REV3L: variants seen among roughly 807,000 people sequenced by gnomAD.
The protein encoded by REV3L is REV3 like, DNA directed polymerase zeta catalytic subunit.
A neutral mutation model predicts 299.4 loss-of-function variants in REV3L; 69 were observed. That is an observed-to-expected ratio of 0.23 (90% CI 0.19 to 0.28). The LOEUF (loss-of-function observed/expected upper bound fraction) is 0.28, where lower values mean the gene tolerates loss of function less well. Among genes scored for constraint, REV3L ranks in the 10% least tolerant of loss-of-function variants. The pLI, the probability that REV3L is intolerant of heterozygous loss-of-function variation, is 1.00. For synonymous variants in REV3L, 1,238 were observed against 1,271.4 expected (o/e 0.97, Z 0.56); for missense variants, 3,128 against 3,693.8 (o/e 0.85, Z 3.97).
At chr6:111,387,685 G>C in intron 9 of REV3L, 80 bp downstream of exon 9, 1 of 1,377,648 alleles carries the variant, frequency 7.3e-7, no homozygotes, top group Middle Eastern at 1.9e-4. Flanking sequence ...AAAATCCCTA[G>C]CAAACTCAAT....
At position 111,482,903 on chromosome 6, in the gene REV3L, C is replaced by T. The variant is rs1793937634; in HGVS notation, c.-15G>A. On this transcript the variant is annotated 5_prime_UTR_variant, in exon 1 of 32. Transcript: ENST00000368802. ...ACTGAAAACATGTTCGCCGCCGCCG[C>T]CACTGCCTCCCTTCACTGGCGACCC... The T allele has an allele frequency of 4.0e-6, 6 of 1,510,708 alleles. No homozygotes were observed. The highest frequency in any genetic ancestry group is 2.9e-5 in the African/African-American group (2 of 68,196). 93.6% of individuals were successfully genotyped at this position (1,510,708 alleles called of 1,614,324 possible). A position where few individuals can be genotyped will look rare whatever the true frequency, so the allele number is the denominator to read the frequency against.
chr6:111,392,585 T>C lies in REV3L; in HGVS notation c.662+291A>G, dbSNP rs544536862. On this transcript the variant is annotated intron_variant, in intron 5 of 31. Coordinates refer to ENST00000368802, the MANE Select transcript of REV3L (RefSeq NM_001372078.1). ...TGTAATTGTTTTACTTGACAAGTTA[T>C]AGGATATCAAATTAGAATAGATGAT... 156 of 197,764 alleles carry C rather than the reference T, an allele frequency of 7.9e-4. 3 individuals are homozygous for C. The South Asian group carries it at 0.021, about 27-fold the overall frequency. 12.3% of individuals were successfully genotyped at this position (197,764 alleles called of 1,614,324 possible). A position where few individuals can be genotyped will look rare whatever the true frequency, so the allele number is the denominator to read the frequency against.
chr6:111,404,320 G>GA (rs780073209), intron 4 of REV3L, among the ~76,000 whole-genome samples: 8 of 152,132 alleles, frequency 5.3e-5, no homozygotes, highest in East Asian at 3.9e-4. Flanking sequence ...CTACTGCTCA[G>GA]AAAAAAGATT....
chr6:111,371,522 C>G (rs1457377175), intron 13 of REV3L, among the ~76,000 whole-genome samples: 1 of 151,496 alleles, frequency 6.6e-6, no homozygotes, highest in Non-Finnish European at 1.5e-5. Context: ...TCCTGAGTAG[C>G]TGGGACCACA....
chr6:111,461,147 T>C (rs974161186), intron 1 of REV3L, among the ~76,000 whole-genome samples: 2 of 152,074 alleles, frequency 1.3e-5, no homozygotes, highest in South Asian at 2.1e-4. Context: ...TCAGGAGATA[T>C]TACAGAAGAA....
chr6:111,423,634 G>A (rs544595142), intron 1 of REV3L, among the ~76,000 whole-genome samples: 2 of 152,282 alleles, frequency 1.3e-5, no homozygotes, highest in South Asian at 4.1e-4. Flanking sequence ...AAAGTTCCCT[G>A]TGGACACATT....
intron 1 of REV3L, among the ~76,000 whole-genome samples, chr6:111,438,021 T>TA (rs386408254): frequency 5.3e-5 from 8 of 151,342 alleles, no homozygotes; most frequent in East Asian, 3.9e-4. Context: ...CTAATTTTTT[T>TA]TTTTTTATTT....
rs1780679366 is a variant in REV3L, at chr6:111,380,143, A to G, written c.1293T>C (p.Asn431=). 6.2e-7 allele frequency: 1 copy of G among 1,613,892 alleles called. No individual in the cohort carries two copies. The highest frequency in any genetic ancestry group is 1.7e-5 in the Admixed American group (1 of 59,982). Reference sequence around the variant, plus strand: ...AGGAGCGACATGGTGATGGCATCCTATTTCTTTCCCCCCGATATCCATCAC... The same window carrying G: ...AGGAGCGACATGGTGATGGCATCCTGTTTCTTTCCCCCCGATATCCATCAC... ...LESDGYRGER[N]RMPSPCRSFG... is the part of the protein sequence containing the mutation. Residue 431 remains asparagine (N), a synonymous_variant, in exon 11 of 32, where the codon AAT becomes AAC. Transcript: ENST00000368802.
intron 1 of REV3L, chr6:111,460,383 A>C (rs1170341906): frequency 6.6e-6 from 1 of 151,642 alleles, no homozygotes; most frequent in Non-Finnish European, 1.5e-5. Flanking sequence ...CTTTGTAATA[A>C]ACCTGCACAG....
intron 5 of REV3L, 143 bp from the exon 6 acceptor site, chr6:111,390,323 T>C (rs899758701): frequency 3.0e-5 from 18 of 601,368 alleles, no homozygotes; most frequent in Non-Finnish European, 5.1e-5. Context: ...ACAAAATTGA[T>C]ACTTTATATG....
chr6:111,311,390 G>T, intron 28 of REV3L, 131 bp from the exon 29 acceptor site: 1 of 531,192 alleles, frequency 1.9e-6, no homozygotes, highest in Non-Finnish European at 3.1e-6. Context: ...TACTTACAAT[G>T]ATGGGATAAT....
chr6:111,482,529 C>T (rs1392928860), intron 1 of REV3L, among the ~76,000 whole-genome samples: 1 of 151,818 alleles, frequency 6.6e-6, no homozygotes, highest in Admixed American at 6.6e-5. Flanking sequence ...CACCTCCCTG[C>T]CCGGGGGTGG....
At chr6:111,391,457 CAT>C (rs1418809938) in intron 5 of REV3L, among the ~76,000 whole-genome samples, 2 of 152,110 alleles carry the variant, frequency 1.3e-5, no homozygotes, top group Non-Finnish European at 2.9e-5. Context: ...TGGAATATTA[CAT>C]GTTAGTTGTT....
rs973668002 is a variant in REV3L, at chr6:111,301,639, G to A, written c.9253-1483C>T. Among the ~76,000 whole-genome samples, 5 of 152,212 alleles carry A rather than the reference G, an allele frequency of 3.3e-5. No individual in the cohort carries two copies. The South Asian group carries it at 1.0e-3, about 32-fold the overall frequency. On this transcript the variant is annotated intron_variant, in intron 31 of 31. Transcript: ENST00000368802. ...ACCCATAATGAGTCAGAATCTCCAG[G>A]CATGAAAGCCTAAGAATCTGTACTT...
At chr6:111,478,629 CAAA>C (rs35796020) in intron 1 of REV3L, among the ~76,000 whole-genome samples, 11 of 128,464 alleles carry the variant, frequency 8.6e-5, no homozygotes, top group African/African-American at 8.0e-5. Context: ...TCCAATTTAC[CAAA>C]AAAAAAAAAA....
intron 1 of REV3L, among the ~76,000 whole-genome samples, chr6:111,442,775 T>C (rs1039664369): frequency 5.3e-5 from 8 of 152,208 alleles, no homozygotes; most frequent in African/African-American, 1.9e-4. Flanking sequence ...TCTCTTTAAG[T>C]AGTTGTTCTT....
chr6:111,459,134 C>T (rs897735187), intron 1 of REV3L, among the ~76,000 whole-genome samples: 9 of 151,996 alleles, frequency 5.9e-5, no homozygotes, highest in African/African-American at 2.2e-4. Context: ...AGCCACACAC[C>T]TACAACCATC....
intron 1 of REV3L, among the ~76,000 whole-genome samples, chr6:111,479,738 T>G (rs1489170376): frequency 6.6e-6 from 1 of 152,152 alleles, no homozygotes; most frequent in Non-Finnish European, 1.5e-5. Context: ...CTCCAACTCC[T>G]GGGTTCAAGC....
intron 1 of REV3L, among the ~76,000 whole-genome samples, chr6:111,440,670 T>G (rs1027770371): frequency 3.9e-5 from 6 of 152,222 alleles, no homozygotes; most frequent in African/African-American, 1.4e-4. Flanking sequence ...CTTTACTTAT[T>G]CCTTTTCTAA....
Sources: allele counts gnomAD v4.1 joint callset (sites outside exome capture counted in the v4.1 genomes callset), GRCh38; gene constraint gnomAD v4.1.1; transcripts MANE v1.5; gene names NCBI Gene and HGNC (gene_info 2026-07-23, HGNC 2026-07-21).